The following FBXO4 variants were observed in gnomAD, a reference collection of about 807,000 sequenced individuals.
FBXO4 encodes the protein F-box protein 4, also known as F-box only protein 4.
FBXO4 carries 36 observed loss-of-function variants against 43.7 expected under a neutral mutation model. The ratio of observed to expected loss-of-function variants is 0.82; its 90% CI spans 0.63 to 1.09. The LOEUF (loss-of-function observed/expected upper bound fraction) is 1.09, where lower values mean the gene tolerates loss of function less well. FBXO4 is among the 50% of genes least tolerant of loss of function. FBXO4 has a pLI of 0.00. For missense variants in FBXO4, 435 were observed against 474.1 expected (o/e 0.92, Z 0.77); for synonymous variants, 180 against 165.6 (o/e 1.09, Z -0.67).
intron 2 of FBXO4, 95 bp from the exon 3 acceptor site, chr5:41,929,602 A>G (rs1282508040): frequency 2.4e-6 from 2 of 847,092 alleles, no homozygotes; most frequent in African/African-American, 1.7e-5. Flanking sequence ...CATTGTATCC[A>G]TTGTGTCTAG....
chr5:42,028,763 TG>T, the FBXO4 span, among the ~76,000 whole-genome samples: 1 of 151,794 alleles, frequency 6.6e-6, no homozygotes, highest in Admixed American at 6.6e-5. Context: ...TATTTTAACC[TG>T]ATAACAACTT....
the FBXO4 span, among the ~76,000 whole-genome samples, chr5:42,022,097 T>C: frequency 3.3e-4 from 50 of 152,270 alleles, no homozygotes; most frequent in African/African-American, 1.2e-3. Context: ...ATCTCATTCA[T>C]AAGAAGGGCT....
At chr5:42,007,898 C>T in the FBXO4 span, among the ~76,000 whole-genome samples, 1 of 152,034 alleles carries the variant, frequency 6.6e-6, no homozygotes, top group Non-Finnish European at 1.5e-5. Context: ...AAGATCTACT[C>T]AAGCAAAACT....
chr5:41,937,098 A>G lies in FBXO4; in HGVS notation c.899-2343A>G, dbSNP rs1188873306. On this transcript the variant is annotated intron_variant, in intron 5 of 6. Coordinates refer to ENST00000281623, the MANE Select transcript of FBXO4 (RefSeq NM_012176.3). ...AACATGAAGGGAGAGAGAAAAGGGG[A>G]AAAGGAATTTTTGAACAGATAATGG... Among the ~76,000 whole-genome samples the G allele has an allele frequency of 4.6e-5, 7 of 152,284 alleles. No homozygotes were observed. The East Asian group carries it at 1.3e-3, about 29-fold the overall frequency.
chr5:41,937,910 C>T (rs1751893374), intron 5 of FBXO4, among the ~76,000 whole-genome samples: 1 of 152,152 alleles, frequency 6.6e-6, no homozygotes, highest in Non-Finnish European at 1.5e-5. Flanking sequence ...CCAAAGACAC[C>T]CCTTCCTGCA....
At chr5:42,012,379 G>A in the FBXO4 span, among the ~76,000 whole-genome samples, 123 of 152,166 alleles carry the variant, frequency 8.1e-4, no homozygotes, top group Non-Finnish European at 1.4e-3. Context: ...TGTTACTAAA[G>A]ATCTGTAACA....
chr5:41,925,461 A>T lies in FBXO4; in HGVS notation c.152A>T (p.Glu51Val), dbSNP rs1751453198. Residue 51 changes from glutamate to valine, a missense_variant, in exon 1 of 7, where the codon GAG (glutamate) becomes GTG (valine). Transcript: ENST00000281623. ...ERVARTTSRE[E>V]VDEAASTLTR... ...GTGGCGCGTACGACCTCACGGGAGG[A>T]GGTGGATGAGGCGGCCAGCACCCTG... 3.0e-6 allele frequency: 4 copies of T among 1,336,256 alleles called. No individual in the cohort carries two copies. Among genetic ancestry groups the T allele is most frequent in the South Asian group, 2.0e-5 (1 of 50,798 alleles). The allele number at this position is 1,336,256 out of a possible 1,614,324, so 82.8% of individuals were successfully genotyped here.
chr5:41,983,430 A>T, the FBXO4 span, among the ~76,000 whole-genome samples: 1 of 148,846 alleles, frequency 6.7e-6, no homozygotes, highest in East Asian at 2.0e-4. Context: ...CAACTTTATC[A>T]TTTCTGTCAA....
the FBXO4 span, among the ~76,000 whole-genome samples, chr5:41,948,438 A>G: frequency 1.3e-5 from 2 of 152,120 alleles, no homozygotes; most frequent in Non-Finnish European, 2.9e-5. Context: ...CCTGGCCACT[A>G]GTGGCTACTA....
In FBXO4 at chr5:41,932,350, C is replaced by T. The variant is rs957457493; in HGVS notation, c.647-1596C>T. ...ATCAGAAACATGGTAAAGTTTGATT[C>T]TGTGGTCTCTGTGAAACATGCACCA... On this transcript the variant is annotated intron_variant, in intron 3 of 6. Coordinates refer to ENST00000281623, the MANE Select transcript of FBXO4 (RefSeq NM_012176.3). 2.6e-4 allele frequency among the ~76,000 whole-genome samples: 40 copies of T among 152,152 alleles called. 1 individual carries two copies. The highest frequency in any genetic ancestry group is 8.9e-4 in the African/African-American group (37 of 41,430).
At chr5:41,964,575 T>TTG in the FBXO4 span, among the ~76,000 whole-genome samples, 2 of 149,906 alleles carry the variant, frequency 1.3e-5, no homozygotes, top group Admixed American at 1.4e-4. Flanking sequence ...AGCCACAAAA[T>TTG]GATTTTCAAG....
At chr5:41,946,778 A>G in the FBXO4 span, among the ~76,000 whole-genome samples, 495 of 152,362 alleles carry the variant, frequency 3.2e-3, 3 homozygotes, top group African/African-American at 0.011. Flanking sequence ...TTAAAATTCA[A>G]AAATATTTGT....
At chr5:41,937,853 A>T (rs1751892327) in intron 5 of FBXO4, among the ~76,000 whole-genome samples, 2 of 152,144 alleles carry the variant, frequency 1.3e-5, no homozygotes, top group Admixed American at 6.5e-5. Context: ...TTTAATGGCA[A>T]TATTAATCTA....
chr5:42,017,594 C>T, the FBXO4 span, among the ~76,000 whole-genome samples: 16,627 of 147,664 alleles, frequency 0.11, 1,428 homozygotes, highest in African/African-American at 0.25. Flanking sequence ...CCCCCTCTTT[C>T]CTGCCCCCCT....
Position 41,939,547 on chromosome 5 carries a change from T to C in FBXO4, c.1005T>C (p.Asp335=). Residue 335 remains aspartate (D), a synonymous_variant, in exon 6 of 7, where the codon GAT becomes GAC. Coordinates refer to ENST00000281623, the MANE Select transcript of FBXO4 (RefSeq NM_012176.3). ...LLVLSCISQG[D]VKRMPCFYLA... ...TTTTATCTTGTATTTCTCAAGGGGA[T>C]GTAAAAAGAATGCCCTGTTTTTATT... The C allele has an allele frequency of 6.2e-7, 1 of 1,613,866 alleles. No individual in the cohort carries two copies. The highest frequency in any genetic ancestry group is 8.5e-7 in the Non-Finnish European group (1 of 1,179,858).
At chr5:42,033,756 C>T in the FBXO4 span, among the ~76,000 whole-genome samples, 1 of 152,160 alleles carries the variant, frequency 6.6e-6, no homozygotes, top group Non-Finnish European at 1.5e-5. Context: ...ATATGTATGA[C>T]ATTTTCTTCA....
chr5:42,024,330 A>G, the FBXO4 span, among the ~76,000 whole-genome samples: 1 of 152,112 alleles, frequency 6.6e-6, no homozygotes, highest in Non-Finnish European at 1.5e-5. Flanking sequence ...AACACATTAT[A>G]AGAACTTGAA....
chr5:41,993,026 G>T, the FBXO4 span, among the ~76,000 whole-genome samples: 7 of 152,042 alleles, frequency 4.6e-5, no homozygotes, highest in Non-Finnish European at 8.8e-5. Flanking sequence ...TTTTTAATTT[G>T]CTTTTAAATG....
At chr5:41,982,869 T>C in the FBXO4 span, among the ~76,000 whole-genome samples, 3 of 152,006 alleles carry the variant, frequency 2.0e-5, no homozygotes, top group Non-Finnish European at 2.9e-5. Flanking sequence ...CTTCCCCTAG[T>C]CCCCCACCCC....
Sources: allele counts gnomAD v4.1 joint callset (sites outside exome capture counted in the v4.1 genomes callset), GRCh38; gene constraint gnomAD v4.1.1; transcripts MANE v1.5; gene names NCBI Gene and HGNC (gene_info 2026-07-23, HGNC 2026-07-21).